ALK: variants seen among roughly 807,000 people sequenced by gnomAD.
ALK encodes ALK tyrosine kinase receptor.
Under a neutral mutation model 163.1 loss-of-function variants are expected in ALK, and 74 were observed. That is an observed-to-expected ratio of 0.45 (90% CI 0.38 to 0.55). The LOEUF is 0.55. Ranked by LOEUF, ALK falls within the 20% of genes least tolerant of loss-of-function variation. The pLI is 0.00. For missense variants in ALK, 2,063 were observed against 2,105.3 expected (o/e 0.98, Z 0.39); for synonymous variants, 960 against 843.2 (o/e 1.14, Z -2.40).
chr2:29,210,460 T>A (rs1255370523), intron 24 of ALK, among the ~76,000 whole-genome samples: 1 of 152,180 alleles, frequency 6.6e-6, no homozygotes, highest in Non-Finnish European at 1.5e-5. Flanking sequence ...TGAGACAGAG[T>A]CTTGCTCTGT....
chr2:29,701,658 A>T (rs1678740076), intron 2 of ALK, among the ~76,000 whole-genome samples: 1 of 152,128 alleles, frequency 6.6e-6, no homozygotes, highest in South Asian at 2.1e-4. Flanking sequence ...ACCCCCATGG[A>T]GAGGACTTCT....
intron 4 of ALK, among the ~76,000 whole-genome samples, chr2:29,398,022 G>A (rs557343527): frequency 1.3e-5 from 2 of 152,306 alleles, no homozygotes; most frequent in South Asian, 4.1e-4. Flanking sequence ...TTCTGGGCTG[G>A]GACTGCCACT....
chr2:29,588,343 G>A (rs7578544), intron 3 of ALK, among the ~76,000 whole-genome samples: 17 of 152,198 alleles, frequency 1.1e-4, no homozygotes, highest in African/African-American at 3.6e-4. Context: ...CGATTCTTGC[G>A]TCTCAGCCTC....
At chr2:29,401,343 C>T (rs1048907127) in intron 4 of ALK, among the ~76,000 whole-genome samples, 1 of 152,112 alleles carries the variant, frequency 6.6e-6, no homozygotes, top group African/African-American at 2.4e-5. Flanking sequence ...TGTTACTTTC[C>T]CAAAAGCACC....
At chr2:29,380,599 G>T (rs935912099) in intron 5 of ALK, among the ~76,000 whole-genome samples, 4 of 151,556 alleles carry the variant, frequency 2.6e-5, no homozygotes, top group Non-Finnish European at 4.4e-5. Context: ...TTGTTTGTTT[G>T]TTTTTTGTTT....
intron 5 of ALK, among the ~76,000 whole-genome samples, chr2:29,377,068 T>C (rs976066533): frequency 6.6e-6 from 1 of 152,244 alleles, no homozygotes; most frequent in Non-Finnish European, 1.5e-5. Context: ...CAAAGTCTAA[T>C]AGCCTTGTGC....
chr2:29,901,228 G>A (rs955397072), intron 1 of ALK, among the ~76,000 whole-genome samples: 2 of 152,198 alleles, frequency 1.3e-5, no homozygotes, highest in Non-Finnish European at 2.9e-5. Flanking sequence ...GTGAAGATTA[G>A]ATGAGAATGT....
chr2:29,866,496 C>T (rs1049708384), intron 1 of ALK, among the ~76,000 whole-genome samples: 2 of 152,094 alleles, frequency 1.3e-5, no homozygotes, highest in Non-Finnish European at 2.9e-5. Context: ...GCGGGTTTAG[C>T]GGACCCTGTC....
chr2:29,440,245 C>CA lies in ALK; in HGVS notation c.1155-56387dup, dbSNP rs575765361. ...CAAGACTCCATCTCAAAAACAAAAA[C>CA]AAAAAAAACCACTAATACACATCTT... On this transcript the variant is annotated intron_variant, in intron 4 of 28. Coordinates refer to ENST00000389048, the MANE Select transcript of ALK (RefSeq NM_004304.5). Among the ~76,000 whole-genome samples, 7 of 150,054 alleles carry CA rather than the reference C, an allele frequency of 4.7e-5. 1 individual carries two copies. The highest frequency in any genetic ancestry group is 7.4e-5 in the Non-Finnish European group (5 of 67,592).
At chr2:29,664,814 G>A (rs965482776) in intron 3 of ALK, among the ~76,000 whole-genome samples, 2 of 151,886 alleles carry the variant, frequency 1.3e-5, no homozygotes, top group South Asian at 2.1e-4. Context: ...CTTTCACTTC[G>A]TCCTCACAAC....
At chr2:29,198,532 TA>T (rs1470735068) in intron 26 of ALK, among the ~76,000 whole-genome samples, 1 of 152,198 alleles carries the variant, frequency 6.6e-6, no homozygotes, top group Non-Finnish European at 1.5e-5. Flanking sequence ...ATTACTGAAT[TA>T]AAATGTAGGC....
At chr2:29,728,182 C>G (rs1244624480) in intron 1 of ALK, among the ~76,000 whole-genome samples, 1 of 152,222 alleles carries the variant, frequency 6.6e-6, no homozygotes, top group African/African-American at 2.4e-5. Context: ...ACACGGTGCC[C>G]AGCACCATAC....
At chr2:29,597,908 G>C (rs1213937165) in intron 3 of ALK, among the ~76,000 whole-genome samples, 1 of 152,168 alleles carries the variant, frequency 6.6e-6, no homozygotes, top group Non-Finnish European at 1.5e-5. Context: ...TGTGCCTGAG[G>C]AGAGTGTGGG....
intron 1 of ALK, among the ~76,000 whole-genome samples, chr2:29,728,576 T>A (rs1007874600): frequency 1.3e-5 from 2 of 152,182 alleles, no homozygotes; most frequent in Non-Finnish European, 2.9e-5. Context: ...GAACGTATGA[T>A]GAGGGATCTG....
At chr2:29,548,907 T>G (rs1259483206) in intron 3 of ALK, among the ~76,000 whole-genome samples, 1 of 152,116 alleles carries the variant, frequency 6.6e-6, no homozygotes, top group African/African-American at 2.4e-5. Context: ...CAAATCAATT[T>G]TTAAAATGCC....
At chr2:29,470,295 A>C (rs1414395902) in intron 4 of ALK, among the ~76,000 whole-genome samples, 2 of 151,260 alleles carry the variant, frequency 1.3e-5, no homozygotes, top group Non-Finnish European at 3.0e-5. Flanking sequence ...GTCCCAGACA[A>C]GAGGAAAGAG....
chr2:29,782,517 C>T (rs911220352), intron 1 of ALK, among the ~76,000 whole-genome samples: 3 of 152,180 alleles, frequency 2.0e-5, no homozygotes, highest in Non-Finnish European at 4.4e-5. Context: ...TCTCCTGTGC[C>T]TGGCCAGCGT....
chr2:29,761,354 C>T (rs1680695824), intron 1 of ALK, among the ~76,000 whole-genome samples: 1 of 152,160 alleles, frequency 6.6e-6, no homozygotes, highest in Admixed American at 6.5e-5. Flanking sequence ...ATTCCTTGAC[C>T]TTTGGAGCTT....
intron 8 of ALK, among the ~76,000 whole-genome samples, chr2:29,304,802 C>T (rs1666460175): frequency 6.6e-6 from 1 of 152,200 alleles, no homozygotes; most frequent in Non-Finnish European, 1.5e-5. Flanking sequence ...TAATAACCAC[C>T]ACCCCTTCCC....
Sources: gnomAD v4.1 joint callset for allele counts (sites outside exome capture counted in the v4.1 genomes callset) on GRCh38, gnomAD v4.1.1 for gene constraint, MANE v1.5 for transcripts, NCBI Gene and HGNC (gene_info 2026-07-23, HGNC 2026-07-21) for gene names.